PCDH15: variants seen among roughly 807,000 people sequenced by gnomAD.
PCDH15 encodes the protein protocadherin-15.
In PCDH15, 129 loss-of-function variants were observed where a neutral mutation model predicts 178.5. That is an observed-to-expected ratio of 0.72 (90% CI 0.63 to 0.84). The LOEUF is 0.84. Among genes scored for constraint, PCDH15 ranks in the 40% least tolerant of loss-of-function variants. PCDH15 has a pLI of 0.00. For missense variants in PCDH15, 2,230 were observed against 2,099.9 expected (o/e 1.06, Z -1.21); for synonymous variants, 800 against 732.0 (o/e 1.09, Z -1.50).
intron 25 of PCDH15, among the ~76,000 whole-genome samples, chr10:53,912,090 T>C (rs1023207954): frequency 1.3e-5 from 2 of 152,162 alleles, no homozygotes; most frequent in Admixed American, 6.5e-5. Context: ...TCAAAAAGCT[T>C]ATCCACCACG....
At chr10:54,406,052 A>T in intron 3 of PCDH15, among the ~76,000 whole-genome samples, 1 of 152,100 alleles carries the variant, frequency 6.6e-6, no homozygotes, top group Non-Finnish European at 1.5e-5. Flanking sequence ...ACATTGAATT[A>T]AAGGCAGACA....
chr10:54,769,234 A>C (rs1324764816), intron 1 of PCDH15, among the ~76,000 whole-genome samples: 1 of 152,080 alleles, frequency 6.6e-6, no homozygotes, highest in African/African-American at 2.4e-5. Flanking sequence ...AGATAAAGTT[A>C]ACAGCGACCT....
intron 25 of PCDH15, among the ~76,000 whole-genome samples, chr10:53,910,596 C>T (rs1589376573): frequency 6.6e-6 from 1 of 152,248 alleles, no homozygotes; most frequent in Non-Finnish European, 1.5e-5. Flanking sequence ...AAAACCAGAG[C>T]ACCTCTTCTC....
chr10:54,220,160 T>C (rs1028024696), intron 9 of PCDH15, among the ~76,000 whole-genome samples: 3 of 152,236 alleles, frequency 2.0e-5, no homozygotes, highest in South Asian at 2.1e-4. Flanking sequence ...AATTGAATAA[T>C]AGCCGCTGAG....
At chr10:55,521,246 C>T (rs975208045) in intron 2 of PCDH15, among the ~76,000 whole-genome samples, 1 of 151,976 alleles carries the variant, frequency 6.6e-6, no homozygotes, top group Non-Finnish European at 1.5e-5. Flanking sequence ...ATGCAAATGG[C>T]AAGATTTTCT....
In PCDH15 at chr10:54,195,787, G is replaced by C. The variant is rs2049552830; in HGVS notation, c.1201C>G (p.Gln401Glu). ...QSPYFTMPSY[Q>E]GYILESAPVG... Reference sequence around the variant, plus strand: ...GGGGCAGATTCCAGGATATAGCCTTGATAACTGGGCATTGTAAAATATGGA... The same window carrying C: ...GGGGCAGATTCCAGGATATAGCCTTCATAACTGGGCATTGTAAAATATGGA... Residue 401 changes from glutamine to glutamate, a missense_variant, in exon 11 of 38, where the codon CAA becomes GAA. By Grantham distance (29) the Gln-to-Glu change is conservative. Coordinates refer to ENST00000644397, the MANE Select transcript of PCDH15 (RefSeq NM_001384140.1). 6.2e-7 allele frequency: 1 copy of C among 1,613,950 alleles called. No individual in the cohort carries two copies. Among genetic ancestry groups the C allele is most frequent in the African/African-American group, 1.3e-5 (1 of 75,038 alleles).
Position 54,197,559 on chromosome 10 carries a change from A to G in PCDH15, c.1099-1670T>C, listed in dbSNP as rs912772264. Among the ~76,000 whole-genome samples the G allele has an allele frequency of 5.3e-5, 8 of 152,294 alleles. No homozygotes were observed. The East Asian group carries it at 9.6e-4, about 18-fold the overall frequency. On this transcript the variant is annotated intron_variant, in intron 10 of 37. Transcript: ENST00000644397. ...AAATGAAAATAAAATATTTGATATTAAACTCTGGTGTGATTTTCTAGATAG... is the reference window on the plus strand; with the variant it reads ...AAATGAAAATAAAATATTTGATATTGAACTCTGGTGTGATTTTCTAGATAG...
chr10:54,766,665 C>T (rs1948543570), intron 1 of PCDH15, among the ~76,000 whole-genome samples: 1 of 151,960 alleles, frequency 6.6e-6, no homozygotes, highest in Admixed American at 6.6e-5. Context: ...CGTGGTGGCT[C>T]ACGCCTGTAA....
intron 2 of PCDH15, among the ~76,000 whole-genome samples, chr10:54,528,099 A>G (rs544141566): frequency 6.6e-6 from 1 of 152,056 alleles, no homozygotes; most frequent in East Asian, 1.9e-4. Flanking sequence ...AACTACTCAA[A>G]TCTTACTGAG....
chr10:54,577,249 A>T (rs1379695289), intron 2 of PCDH15, among the ~76,000 whole-genome samples: 7 of 141,726 alleles, frequency 4.9e-5, no homozygotes, highest in African/African-American at 1.8e-4. Flanking sequence ...CGCCCAGCTA[A>T]TTTTTTTTTT....
intron 11 of PCDH15, among the ~76,000 whole-genome samples, chr10:54,190,178 G>T (rs1207555587): frequency 6.6e-6 from 1 of 151,986 alleles, no homozygotes; most frequent in Non-Finnish European, 1.5e-5. Flanking sequence ...TAAATTTTAC[G>T]CAAATGGATC....
chr10:54,993,397 A>G (rs576530758), intron 2 of PCDH15, among the ~76,000 whole-genome samples: 5 of 152,222 alleles, frequency 3.3e-5, no homozygotes, highest in Non-Finnish European at 7.3e-5. Context: ...ACATTAAGCC[A>G]CAAATCATGA....
chr10:54,412,150 G>A (rs114885040), intron 3 of PCDH15, among the ~76,000 whole-genome samples: 1,659 of 151,006 alleles, frequency 0.011, 33 homozygotes, highest in African/African-American at 0.038. Context: ...AATAGATGGA[G>A]GTCAGTAAAC....
At chr10:55,468,389 T>C (rs1252147823) in intron 2 of PCDH15, 2 of 152,210 alleles carry the variant, frequency 1.3e-5, no homozygotes, top group Non-Finnish European at 2.9e-5. Context: ...AGCTGAAAGC[T>C]AATTCCTGAG....
chr10:54,031,601 T>C (rs1223426324), intron 18 of PCDH15, among the ~76,000 whole-genome samples: 3 of 151,852 alleles, frequency 2.0e-5, no homozygotes, highest in Admixed American at 1.3e-4. Context: ...ATTCCTGTAG[T>C]TGGGTGTTAT....
At chr10:55,504,548 A>T (rs2132143661) in intron 2 of PCDH15, among the ~76,000 whole-genome samples, 1 of 151,438 alleles carries the variant, frequency 6.6e-6, no homozygotes, top group South Asian at 2.1e-4. Context: ...TTTAGGAAGT[A>T]ATTTAGCTTT....
chr10:55,612,017 A>C lies in PCDH15; in HGVS notation c.-156+15608T>G, dbSNP rs1360347609. On this transcript the variant is annotated intron_variant, in intron 2 of 5. Transcript: ENST00000613346. ...TAGAATGATGGTTACCAGAGGCTGG[A>C]GGAGGCGGGATAGACAGAAAAAGAA... 2.0e-5 allele frequency among the ~76,000 whole-genome samples: 3 copies of C among 152,046 alleles called. 1 individual carries two copies. Among genetic ancestry groups the C allele is most frequent in the Admixed American group, 6.6e-5 (1 of 15,260 alleles).
In PCDH15 at chr10:55,474,880, A is replaced by T. The variant is rs1159486094; in HGVS notation, c.-156+152745T>A. On this transcript the variant is annotated intron_variant, in intron 2 of 5. Transcript: ENST00000613346. ...CCTTCAAAATATACTCTCTACCATG[A>T]ATAAGCCCTGTCGATTCTATCTTCA... is the stretch of plus-strand genomic sequence containing the variant. Among the ~76,000 whole-genome samples, 3 of 152,294 alleles carry T rather than the reference A, an allele frequency of 2.0e-5. No homozygotes were observed. The East Asian group carries it at 5.8e-4, about 29-fold the overall frequency.
intron 3 of PCDH15, among the ~76,000 whole-genome samples, chr10:54,855,272 C>T (rs894678797): frequency 3.3e-4 from 50 of 152,170 alleles, no homozygotes; most frequent in African/African-American, 1.2e-3. Context: ...AGGTCTGCAG[C>T]TATGATGTGG....
Sources: gnomAD v4.1 joint callset for allele counts (sites outside exome capture counted in the v4.1 genomes callset) on GRCh38, gnomAD v4.1.1 for gene constraint, MANE v1.5 for transcripts, NCBI Gene and HGNC (gene_info 2026-07-23, HGNC 2026-07-21) for gene names.